SCG2: variants seen among roughly 807,000 people sequenced by gnomAD.
SCG2 encodes the protein secretogranin-2.
SCG2 carries 23 observed loss-of-function variants against 49.5 expected under a neutral mutation model. The ratio of observed to expected loss-of-function variants is 0.46; its 90% CI spans 0.33 to 0.66. The LOEUF (loss-of-function observed/expected upper bound fraction) is 0.66, where lower values mean the gene tolerates loss of function less well. Ranked by LOEUF, SCG2 falls within the 30% of genes least tolerant of loss-of-function variation. SCG2 has a pLI of 0.01. For synonymous variants in SCG2, 288 were observed against 260.4 expected (o/e 1.11, Z -1.02); for missense variants, 730 against 728.2 (o/e 1.00, Z -0.03).
rs773299959 is a variant in SCG2, at chr2:223,599,132, G to A, written c.151C>T (p.Pro51Ser). The A allele has an allele frequency of 9.9e-6, 16 of 1,614,002 alleles. No individual in the cohort carries two copies. Among genetic ancestry groups the A allele is most frequent in the Non-Finnish European group, 3.4e-6 (4 of 1,180,002 alleles). Residue 51 changes from proline to serine, a missense_variant, in exon 2 of 2, where the codon CCC becomes TCC. Pro to Ser is a moderately conservative substitution (Grantham distance 74, BLOSUM62 -1). Transcript: ENST00000305409. The stretch of plus-strand genomic sequence containing the variant: ...AAAGCCCTGATCATTTCAGGACTGG[G>A]AAACTTTTGGACATTTTCCAACCTG... ...DLRLENVQKFPSPEMIRALEY... is the reference protein window; with the variant it reads ...DLRLENVQKFSSPEMIRALEY...
chr2:223,600,486 A>G (rs1367942391), intron 1 of SCG2, among the ~76,000 whole-genome samples: 2 of 152,182 alleles, frequency 1.3e-5, no homozygotes, highest in Non-Finnish European at 2.9e-5. Context: ...TATTGCTAAC[A>G]TTGAAAAAAC....
intron 1 of SCG2, among the ~76,000 whole-genome samples, chr2:223,600,983 T>C (rs1425023239): frequency 6.6e-6 from 1 of 152,182 alleles, no homozygotes; most frequent in Non-Finnish European, 1.5e-5. Flanking sequence ...AATAATAATC[T>C]TAAAAACCTT....
Position 223,599,137 on chromosome 2 carries a change from T to A in SCG2, c.146A>T (p.Lys49Met), listed in dbSNP as rs1462019509. The A allele has an allele frequency of 6.2e-7, 1 of 1,614,112 alleles. No homozygotes were observed. The highest frequency in any genetic ancestry group is 8.5e-7 in the Non-Finnish European group (1 of 1,179,976). Residue 49 changes from lysine (K) to methionine (M), a missense_variant, in exon 2 of 2, where the codon AAG becomes ATG. Transcript: ENST00000305409. The stretch of plus-strand genomic sequence containing the variant: ...CCTGATCATTTCAGGACTGGGAAAC[T>A]TTTGGACATTTTCCAACCTGAGGTC... ...EPDLRLENVQ[K>M]FPSPEMIRAL...
Position 223,597,622 on chromosome 2 carries a change from C to T in SCG2, c.1661G>A (p.Gly554Asp). The change falls in exon 2 of 2, where the codon GGC becomes GAC. Residue 554 changes from glycine (G) to aspartate (D), a missense_variant. Coordinates refer to ENST00000305409, the MANE Select transcript of SCG2 (RefSeq NM_003469.5). Reference sequence around the variant, plus strand: ...CAGCTTGTCAGTCTCCTGAGAGCTGCCTTGATTCAAATGCTCTTTGATGGC... The same window carrying T: ...CAGCTTGTCAGTCTCCTGAGAGCTGTCTTGATTCAAATGCTCTTTGATGGC... Reference protein sequence around the residue: ...EQAIKEHLNQGSSQETDKLAP... With the variant: ...EQAIKEHLNQDSSQETDKLAP... 6.2e-7 allele frequency: 1 copy of T among 1,614,084 alleles called. No homozygotes were observed.
Position 223,598,036 on chromosome 2 carries a change from G to C in SCG2, c.1247C>G (p.Pro416Arg). 6.2e-7 allele frequency: 1 copy of C among 1,610,828 alleles called. No individual in the cohort carries two copies. Among genetic ancestry groups the C allele is most frequent in the Non-Finnish European group, 8.5e-7 (1 of 1,178,428 alleles). ...AGTCCCAGCACGACCAGGTGTTTTA[G>C]GGTAGCCACTCTTGGAGAGCATCCT... is the stretch of plus-strand genomic sequence containing the variant. ...QNRMLSKSGY[P>R]KTPGRAGTEA... Residue 416 changes from proline to arginine, a missense_variant, in exon 2 of 2, where the codon CCT becomes CGT. Physicochemically the swap from Pro to Arg is moderately radical, Grantham distance 103 (BLOSUM62 -2). Coordinates refer to ENST00000305409, the MANE Select transcript of SCG2 (RefSeq NM_003469.5).
chr2:223,600,343 C>T (rs1691371817), intron 1 of SCG2, among the ~76,000 whole-genome samples: 2 of 152,024 alleles, frequency 1.3e-5, no homozygotes, highest in African/African-American at 4.8e-5. Context: ...TATGTAAATC[C>T]CAATTCAAAT....
chr2:223,600,496 C>T (rs954017203), intron 1 of SCG2, among the ~76,000 whole-genome samples: 1 of 152,074 alleles, frequency 6.6e-6, no homozygotes, highest in Non-Finnish European at 1.5e-5. Flanking sequence ...ATTGAAAAAA[C>T]TATTTTAATA....
At chr2:223,601,330 C>T (rs76982475) in intron 1 of SCG2, among the ~76,000 whole-genome samples, 153 of 152,260 alleles carry the variant, frequency 1.0e-3, no homozygotes, top group African/African-American at 3.5e-3. Flanking sequence ...ATAATTAGAA[C>T]ATTATTTTTC....
At position 223,597,230 on chromosome 2, in the gene SCG2, A is replaced by T. The variant is rs1179107823; in HGVS notation, c.*199T>A. 1 of 512,974 alleles carries T rather than the reference A, an allele frequency of 1.9e-6. No individual in the cohort carries two copies. The highest frequency in any genetic ancestry group is 1.9e-5 in the African/African-American group (1 of 51,720). The allele number at this position is 512,974 out of a possible 1,614,324, so 31.8% of individuals were successfully genotyped here. On this transcript the variant is annotated 3_prime_UTR_variant, in exon 2 of 2. Transcript: ENST00000305409. Reference sequence around the variant, plus strand: ...ATAATAAATTTTTTATCAAGGAGTCATAACATTTACACATATCCATACACA... The same window carrying T: ...ATAATAAATTTTTTATCAAGGAGTCTTAACATTTACACATATCCATACACA...
In SCG2 at chr2:223,597,494, G is replaced by A. The variant is rs1691315436; in HGVS notation, c.1789C>T (p.Leu597Phe). ...CCCTTTTCTGCCTTTTCTTGGTTGA[G>A]GTATTCCAGCACTTTCATTAACAGA... is the stretch of plus-strand genomic sequence containing the variant. The part of the protein sequence containing the change: ...EDLLMKVLEY[L>F]NQEKAEKGRE... Residue 597 changes from leucine to phenylalanine, a missense_variant, in exon 2 of 2, where the codon CTC (leucine) becomes TTC (phenylalanine). Physicochemically the swap from Leu to Phe is conservative, Grantham distance 22 (BLOSUM62 0). Transcript: ENST00000305409. The A allele has an allele frequency of 6.2e-7, 1 of 1,613,938 alleles. No homozygotes were observed. The highest frequency in any genetic ancestry group is 1.1e-5 in the South Asian group (1 of 91,012).
At chr2:223,599,720 A>C (rs988988473) in intron 1 of SCG2, among the ~76,000 whole-genome samples, 6 of 152,244 alleles carry the variant, frequency 3.9e-5, no homozygotes, top group African/African-American at 1.2e-4. Flanking sequence ...GCTTAATTTA[A>C]AACATGCATT....
chr2:223,599,462 C>T (rs1292601321), intron 1 of SCG2, among the ~76,000 whole-genome samples, 166 bp from the exon 2 acceptor site: 1 of 152,176 alleles, frequency 6.6e-6, no homozygotes, highest in Non-Finnish European at 1.5e-5. Flanking sequence ...CCACATGATT[C>T]CCACAAGCAA....
rs1356441945 is a variant in SCG2, at chr2:223,598,142, G to A, written c.1141C>T (p.Pro381Ser). The A allele has an allele frequency of 6.2e-7, 1 of 1,612,948 alleles. No individual in the cohort carries two copies. The change falls in exon 2 of 2, where the codon CCG (proline) becomes TCG (serine). Residue 381 changes from proline to serine, a missense_variant. Physicochemically the swap from Pro to Ser is moderately conservative, Grantham distance 74. Coordinates refer to ENST00000305409, the MANE Select transcript of SCG2 (RefSeq NM_003469.5). ...ACAGGAAGGTCAAGCTCCCGCTCCG[G>A]TTCCACTGATCCATTCGGCTTCTCC... ...TGEKPNGSVE[P>S]ERELDLPVDL...
chr2:223,599,336 A>C, intron 1 of SCG2, 40 bp from the exon 2 acceptor site: 3 of 1,467,258 alleles, frequency 2.0e-6, no homozygotes, highest in Non-Finnish European at 2.7e-6. Flanking sequence ...AATGAAACAA[A>C]CTAGAAGACA....
At position 223,598,410 on chromosome 2, in the gene SCG2, C is replaced by T; in HGVS notation, c.873G>A (p.Gln291=). Residue 291 remains glutamine, a synonymous_variant, in exon 2 of 2, where the codon CAG becomes CAA. Transcript: ENST00000305409. ...EMKRSGQLGI[Q]EEDLRKESKD... The stretch of plus-strand genomic sequence containing the variant: ...TACTCTCTTTCCGAAGATCTTCTTC[C>T]TGGATGCCAAGCTGCCCTGAGCGTT... 3 of 1,614,050 alleles carry T rather than the reference C, an allele frequency of 1.9e-6. No individual in the cohort carries two copies. Among genetic ancestry groups the T allele is most frequent in the Non-Finnish European group, 2.5e-6 (3 of 1,180,024 alleles).
At chr2:223,601,646 C>T (rs1014030375) in intron 1 of SCG2, among the ~76,000 whole-genome samples, 8 of 152,044 alleles carry the variant, frequency 5.3e-5, no homozygotes, top group South Asian at 2.1e-4. Flanking sequence ...TAATATTTTG[C>T]CCTGGAAAAA....
chr2:223,599,341 A>AAGAC, intron 1 of SCG2, 45 bp from the exon 2 acceptor site: 1 of 1,459,400 alleles, frequency 6.9e-7, no homozygotes, highest in African/African-American at 1.4e-5. Flanking sequence ...AACAAACTAG[A>AAGAC]AGACACTATA....
intron 1 of SCG2, among the ~76,000 whole-genome samples, chr2:223,600,565 C>T (rs1161823046): frequency 6.6e-6 from 1 of 152,022 alleles, no homozygotes; most frequent in African/African-American, 2.4e-5. Context: ...TTGTTCATAT[C>T]TTTACCAGAT....
At chr2:223,599,376 G>A (rs536338455) in intron 1 of SCG2, 80 bp from the exon 2 acceptor site, 2 of 1,206,244 alleles carry the variant, frequency 1.7e-6, no homozygotes, top group African/African-American at 1.5e-5. Flanking sequence ...TGATCATTGA[G>A]GTGAGGAAAA....
Sources: gnomAD v4.1 joint callset for allele counts (sites outside exome capture counted in the v4.1 genomes callset) on GRCh38, gnomAD v4.1.1 for gene constraint, MANE v1.5 for transcripts, NCBI Gene and HGNC (gene_info 2026-07-23, HGNC 2026-07-21) for gene names.